The following SULF2 variants were observed in gnomAD, a reference collection of about 807,000 sequenced individuals.
SULF2 encodes the protein extracellular sulfatase Sulf-2.
SULF2 carries 52 observed loss-of-function variants against 107.7 expected under a neutral mutation model. The ratio of observed to expected loss-of-function variants is 0.48; its 90% CI spans 0.39 to 0.61. The LOEUF (loss-of-function observed/expected upper bound fraction) is 0.61, where lower values mean the gene tolerates loss of function less well. Among genes scored for constraint, SULF2 ranks in the 20% least tolerant of loss-of-function variants. The pLI is 0.00. For missense variants in SULF2, 993 were observed against 1,177.3 expected (o/e 0.84, Z 2.29); for synonymous variants, 460 against 464.3 (o/e 0.99, Z 0.12).
chr20:47,777,682 A>T (rs951897551), intron 1 of SULF2, among the ~76,000 whole-genome samples: 2 of 152,206 alleles, frequency 1.3e-5, no homozygotes, highest in African/African-American at 2.4e-5. Context: ...TAAGAATTAT[A>T]GTAGGCTTTC....
chr20:47,751,891 T>A (rs567463095), intron 2 of SULF2, among the ~76,000 whole-genome samples: 7 of 152,320 alleles, frequency 4.6e-5, no homozygotes, highest in African/African-American at 1.7e-4. Flanking sequence ...TCAACAGCCA[T>A]GATGGTGCAA....
intron 2 of SULF2, among the ~76,000 whole-genome samples, chr20:47,737,779 T>TC (rs2089779600): frequency 7.0e-6 from 1 of 142,910 alleles, no homozygotes; most frequent in Non-Finnish European, 1.5e-5. Flanking sequence ...TTTTTTTTTT[T>TC]TGAGACAGAG....
In SULF2 at chr20:47,683,023, C is replaced by T; in HGVS notation, c.1035G>A (p.Val345=). The T allele has an allele frequency of 6.2e-7, 1 of 1,612,136 alleles. No homozygotes were observed. The highest frequency in any genetic ancestry group is 1.1e-5 in the South Asian group (1 of 90,938). Residue 345 remains valine (V), a synonymous_variant, in exon 7 of 21, where the codon GTG becomes GTA. Transcript: ENST00000688720. ...YEFDIRVPFY[V]RGPNVEAGCL... ...AGCCGGCTTCCACGTTGGGGCCCCT[C>T]ACGTAGAACGGGACCCTGATGTCAA...
chr20:47,690,203 G>A lies in SULF2; in HGVS notation c.660C>T (p.Ile220=). 8 of 1,573,632 alleles carry A rather than the reference G, an allele frequency of 5.1e-6. No individual in the cohort carries two copies. Among genetic ancestry groups the A allele is most frequent in the Non-Finnish European group, 6.1e-6 (7 of 1,156,770 alleles). ...CAGGGCCGTGGGGGGCTGCATGGCTGATGACCATGAGGACTGGCCTGTGCG... is the reference window on the plus strand; with the variant it reads ...CAGGGCCGTGGGGGGCTGCATGGCTAATGACCATGAGGACTGGCCTGTGCG... ...MYPHRPVLMV[I]SHAAPHGPED... Residue 220 remains isoleucine, a synonymous_variant, in exon 5 of 21, where the codon ATC becomes ATT. Transcript: ENST00000688720.
At chr20:47,681,672 G>T (rs1413213076) in intron 7 of SULF2, among the ~76,000 whole-genome samples, 1 of 152,224 alleles carries the variant, frequency 6.6e-6, no homozygotes, top group African/African-American at 2.4e-5. Context: ...TCACAGGGCA[G>T]TTGTGATGCT....
At chr20:47,759,304 C>T (rs6125103) in intron 1 of SULF2, among the ~76,000 whole-genome samples, 21,641 of 152,182 alleles carry the variant, frequency 0.14, 1,943 homozygotes, top group South Asian at 0.38. Flanking sequence ...CACTTCTCCT[C>T]GACCTCTCCT....
intron 1 of SULF2, among the ~76,000 whole-genome samples, chr20:47,774,674 G>A (rs2090693747): frequency 6.6e-6 from 1 of 152,156 alleles, no homozygotes; most frequent in Non-Finnish European, 1.5e-5. Context: ...GCCAGGGGTG[G>A]AGTCACCTAT....
chr20:47,680,618 C>T lies in SULF2; in HGVS notation c.1065-1814G>A, dbSNP rs757437028. ...CCCCAGTCCAGTGCCCTGTGAACGTCGGGCAGGCTGCCAAGCATGTGTGCA... is the reference window on the plus strand; with the variant it reads ...CCCCAGTCCAGTGCCCTGTGAACGTTGGGCAGGCTGCCAAGCATGTGTGCA... On this transcript the variant is annotated intron_variant, in intron 7 of 20. Coordinates refer to ENST00000688720, the MANE Select transcript of SULF2 (RefSeq NM_001387048.1). The surrounding 1 kb of genome is among the most constrained non-coding windows in gnomAD (Gnocchi z 4.2). 3.9e-5 allele frequency among the ~76,000 whole-genome samples: 6 copies of T among 152,316 alleles called. No homozygotes were observed. The East Asian group carries it at 9.6e-4, about 24-fold the overall frequency.
chr20:47,723,993 A>C (rs1272866530), intron 3 of SULF2, among the ~76,000 whole-genome samples: 2 of 152,142 alleles, frequency 1.3e-5, no homozygotes, highest in African/African-American at 4.8e-5. Context: ...CTGCACATAC[A>C]AAGGGCCTGG....
intron 3 of SULF2, among the ~76,000 whole-genome samples, chr20:47,725,771 T>G (rs1203122430): frequency 6.6e-6 from 1 of 152,122 alleles, no homozygotes; most frequent in Non-Finnish European, 1.5e-5. Flanking sequence ...CTCTATGCAT[T>G]TGGAGCCCCC....
chr20:47,766,614 T>G (rs969769280), intron 1 of SULF2, among the ~76,000 whole-genome samples: 2 of 152,188 alleles, frequency 1.3e-5, no homozygotes, highest in Non-Finnish European at 2.9e-5. Flanking sequence ...GCACTGTGGA[T>G]AAAGCAGTGA....
intron 3 of SULF2, among the ~76,000 whole-genome samples, chr20:47,731,294 G>A (rs1424949645): frequency 1.4e-5 from 2 of 145,748 alleles, no homozygotes; most frequent in African/African-American, 2.6e-5. Context: ...CCAGGTTCAA[G>A]CAATTCTCCT....
chr20:47,696,143 C>T (rs1414095410), intron 4 of SULF2, among the ~76,000 whole-genome samples: 9 of 152,148 alleles, frequency 5.9e-5, no homozygotes, highest in Admixed American at 5.2e-4. Flanking sequence ...CTATGTGGCC[C>T]GGTTACATTA....
rs149253584 is a variant in SULF2, at chr20:47,711,803, C to T, written c.416-9133G>A. Among the ~76,000 whole-genome samples the T allele has an allele frequency of 4.4e-3, 665 of 152,338 alleles. 6 individuals are homozygous for T. The highest frequency in any genetic ancestry group is 0.041 in the Middle Eastern group (12 of 294). Reference sequence around the variant, plus strand: ...TACAACACATACATATACACACATGCATGAATACATATACACAAGCACAAA... The same window carrying T: ...TACAACACATACATATACACACATGTATGAATACATATACACAAGCACAAA... On this transcript the variant is annotated intron_variant, in intron 3 of 20. Coordinates refer to ENST00000688720, the MANE Select transcript of SULF2 (RefSeq NM_001387048.1).
intron 7 of SULF2, among the ~76,000 whole-genome samples, chr20:47,681,122 G>A (rs1212041193): frequency 6.6e-6 from 1 of 152,230 alleles, no homozygotes; most frequent in African/African-American, 2.4e-5. Flanking sequence ...AAACCCACCT[G>A]AGAATGAAGC....
At chr20:47,677,036 G>A (rs745990934) in intron 9 of SULF2, 42 bp downstream of exon 9, 6 of 1,605,424 alleles carry the variant, frequency 3.7e-6, no homozygotes, top group Non-Finnish European at 5.1e-6. Flanking sequence ...GGCAGAGGGA[G>A]GGAGGTGGGC....
At position 47,666,355 on chromosome 20, in the gene SULF2, G is replaced by T; in HGVS notation, c.1710C>A (p.Ala570=). 1 of 1,614,196 alleles carries T rather than the reference G, an allele frequency of 6.2e-7. No homozygotes were observed. Among genetic ancestry groups the T allele is most frequent in the Admixed American group, 1.7e-5 (1 of 60,034 alleles). ...RNLTKRHWPG[A]PEDQDDKDGG... ...CATCCTTGTCATCTTGGTCCTCAGG[G>T]GCCCCTGGCCAGTGCCGCTTGGTGA... The change falls in exon 12 of 21, where the codon GCC becomes GCA. Residue 570 remains alanine, a synonymous_variant. Transcript: ENST00000688720. This position sits in a 1 kb window ranked among gnomAD's most constrained non-coding sequence, Gnocchi z 5.4.
chr20:47,777,805 A>G (rs1266521278), intron 1 of SULF2, among the ~76,000 whole-genome samples: 1 of 152,188 alleles, frequency 6.6e-6, no homozygotes, highest in Non-Finnish European at 1.5e-5. Context: ...TTCACCAAGC[A>G]GGAACATCTC....
intron 4 of SULF2, among the ~76,000 whole-genome samples, chr20:47,691,384 GAGA>G (rs1555834670): frequency 6.6e-6 from 1 of 152,200 alleles, no homozygotes; most frequent in Non-Finnish European, 1.5e-5. Flanking sequence ...CCTGAATGAT[GAGA>G]AGGAGCTGGG....
Sources: gnomAD v4.1 joint callset for allele counts (sites outside exome capture counted in the v4.1 genomes callset) on GRCh38, gnomAD v4.1.1 for gene constraint, Gnocchi (gnomAD v3.1) non-coding constraint, MANE v1.5 for transcripts, NCBI Gene and HGNC (gene_info 2026-07-23, HGNC 2026-07-21) for gene names.